NAT1: variants seen among roughly 807,000 people sequenced by gnomAD.
NAT1 encodes arylamine N-acetyltransferase 1.
For synonymous variants in NAT1, 144 were observed against 122.6 expected (o/e 1.17, Z -1.16); for missense variants, 400 against 339.2 (o/e 1.18, Z -1.41).
In NAT1 at chr8:18,190,959, C is replaced by T. The variant is rs556998851; in HGVS notation, n.93-18822C>T. Among the ~76,000 whole-genome samples the T allele has an allele frequency of 1.6e-4, 25 of 151,640 alleles. 1 individual carries two copies. Among genetic ancestry groups the T allele is most frequent in the African/African-American group, 2.7e-4 (11 of 41,326 alleles). On this transcript the variant is annotated intron_variant and non_coding_transcript_variant, in intron 2 of 4. Coordinates refer to the NAT1 transcript ENST00000517441. ...GCACATGCCTGTAATCCCAGCTACA[C>T]GGGAGGCTGAGGCAGGAGAATCTCT...
chr8:18,203,649 C>T (rs1405602122), intron 2 of NAT1, among the ~76,000 whole-genome samples: 1 of 152,216 alleles, frequency 6.6e-6, no homozygotes, highest in Non-Finnish European at 1.5e-5. Flanking sequence ...ACATTATCCT[C>T]ACAGCTCTGT....
At chr8:18,200,620 C>T (rs1199554794) in intron 2 of NAT1, among the ~76,000 whole-genome samples, 2 of 152,146 alleles carry the variant, frequency 1.3e-5, no homozygotes, top group African/African-American at 4.8e-5. Context: ...CTAACCTGTA[C>T]ACCAAACCCC....
chr8:18,192,914 A>G (rs1803061715), intron 2 of NAT1, among the ~76,000 whole-genome samples: 1 of 151,754 alleles, frequency 6.6e-6, no homozygotes, highest in Non-Finnish European at 1.5e-5. Context: ...TGGGTGCAGC[A>G]CACCAGCATG....
At chr8:18,184,725 C>T (rs999546719) in intron 2 of NAT1, among the ~76,000 whole-genome samples, 22 of 152,134 alleles carry the variant, frequency 1.4e-4, no homozygotes, top group Admixed American at 9.2e-4. Context: ...TGAGGCCTCT[C>T]CAGTCTATGA....
intron 2 of NAT1, among the ~76,000 whole-genome samples, chr8:18,181,126 T>A (rs532855680): frequency 5.9e-5 from 9 of 152,300 alleles, no homozygotes; most frequent in Middle Eastern, 3.4e-3. Context: ...ATTTTTCCAA[T>A]CCATTAGCAT....
chr8:18,219,635 A>C, intron 2 of NAT1, 146 bp downstream of exon 2: 2 of 563,872 alleles, frequency 3.5e-6, no homozygotes, highest in Non-Finnish European at 3.2e-6. Flanking sequence ...AAAGCTAATA[A>C]TGTTTTCAGT....
chr8:18,178,933 C>A (rs1802398042), intron 2 of NAT1, among the ~76,000 whole-genome samples: 1 of 152,166 alleles, frequency 6.6e-6, no homozygotes, highest in Non-Finnish European at 1.5e-5. Context: ...CACTAAACAA[C>A]AAGTGTTCTC....
chr8:18,184,998 T>C (rs1427632744), intron 2 of NAT1, among the ~76,000 whole-genome samples: 1 of 152,230 alleles, frequency 6.6e-6, no homozygotes, highest in Non-Finnish European at 1.5e-5. Context: ...TTTTTAGTTG[T>C]TGCTGGCAAA....
At position 18,210,500 on chromosome 8, in the gene NAT1, CTTG is replaced by C. The variant is rs774584038; in HGVS notation, c.-86+325_-86+327del. On this transcript the variant is annotated intron_variant, in intron 1 of 2. Coordinates refer to ENST00000307719, the MANE Select transcript of NAT1 (RefSeq NM_000662.8). ...CTACGAGTACTGCTTACTTAAAGGA[CTTG>C]TTGTGAGGATTACATACGTGTATTA... Among the ~76,000 whole-genome samples the C allele has an allele frequency of 3.7e-3, 557 of 149,168 alleles. 3 individuals are homozygous for C. The highest frequency in any genetic ancestry group is 0.012 in the African/African-American group (471 of 38,716).
upstream of NAT1, among the ~76,000 whole-genome samples, chr8:18,208,550 T>C (rs1429641253): frequency 6.6e-6 from 1 of 151,908 alleles, no homozygotes; most frequent in East Asian, 1.9e-4. Context: ...AAATAGAGGG[T>C]GGAACAAGGT....
chr8:18,203,893 T>C lies in NAT1; in HGVS notation n.93-5888T>C, dbSNP rs1416549369. ...CACAGGTGAATGCTGGCAGGAAATATGGGCTAGACACGTTAAAGATGGTGG... is the reference window on the plus strand; with the variant it reads ...CACAGGTGAATGCTGGCAGGAAATACGGGCTAGACACGTTAAAGATGGTGG... On this transcript the variant is annotated intron_variant and non_coding_transcript_variant, in intron 2 of 4. Transcript: ENST00000517441. Among the ~76,000 whole-genome samples, 11 of 152,124 alleles carry C rather than the reference T, an allele frequency of 7.2e-5. 1 individual carries two copies. The highest frequency in any genetic ancestry group is 7.2e-4 in the Admixed American group (11 of 15,280).
intron 1 of NAT1, among the ~76,000 whole-genome samples, chr8:18,210,991 G>A (rs150263245): frequency 0.01 from 1,578 of 152,160 alleles, 25 homozygotes; most frequent in African/African-American, 0.035. Flanking sequence ...TTTTAGTAGC[G>A]ATGGGGTTTC....
chr8:18,221,663 T>C (rs1201592468), intron 2 of NAT1: 1 of 178,914 alleles, frequency 5.6e-6, no homozygotes, highest in African/African-American at 2.4e-5. Context: ...CCACGGATAC[T>C]ATACACTCTA....
chr8:18,219,659 G>A (rs28359527), intron 2 of NAT1, 170 bp downstream of exon 2: 4,221 of 153,798 alleles, frequency 0.027, 66 homozygotes, highest in African/African-American at 0.039. Context: ...CTCTTCTCTG[G>A]CAACTACTTT....
intron 2 of NAT1, 85 bp from the exon 3 acceptor site, chr8:18,221,955 CAT>C: frequency 7.6e-7 from 1 of 1,310,034 alleles, no homozygotes; most frequent in Non-Finnish European, 1.1e-6. Flanking sequence ...TGTATTTTTA[CAT>C]GTTTAAAATA....
At chr8:18,200,014 C>T (rs111708510) in intron 2 of NAT1, among the ~76,000 whole-genome samples, 6 of 152,130 alleles carry the variant, frequency 3.9e-5, no homozygotes, top group Admixed American at 1.3e-4. Context: ...CAAAAAGTAA[C>T]AGATGCTGGT....
At chr8:18,197,562 C>T (rs1378365938) in intron 2 of NAT1, among the ~76,000 whole-genome samples, 1 of 152,146 alleles carries the variant, frequency 6.6e-6, no homozygotes, top group Non-Finnish European at 1.5e-5. Flanking sequence ...CTCATCCAGT[C>T]GGAGTGTCAG....
At chr8:18,209,737 G>T (rs770667479), upstream of NAT1, 10 of 152,142 alleles carry the variant, frequency 6.6e-5, no homozygotes, top group Non-Finnish European at 1.3e-4. Context: ...CATAAACTTG[G>T]AGTGTGATTA....
rs369425198 is a variant in NAT1 at position 18,219,489 on chromosome 8, G to A, written c.-7G>A. ...AACCTACTTTCAACTTACTAAGAAA[G>A]GTATTAAGCGCCTTTCTGAGAGCTC... On this transcript the variant is annotated splice_region_variant and 5_prime_UTR_variant, in exon 2 of 3. Coordinates refer to ENST00000307719, the MANE Select transcript of NAT1 (RefSeq NM_000662.8). The A allele has an allele frequency of 3.2e-6, 5 of 1,540,282 alleles. No individual in the cohort carries two copies. The highest frequency in any genetic ancestry group is 4.4e-6 in the Non-Finnish European group (5 of 1,138,796).
Sources: gnomAD v4.1 joint callset for allele counts (sites outside exome capture counted in the v4.1 genomes callset) on GRCh38, gnomAD v4.1.1 for gene constraint, MANE v1.5 for transcripts, NCBI Gene and HGNC (gene_info 2026-07-23, HGNC 2026-07-21) for gene names.